Variants in PIP5KL1 observed in about 807,000 individuals in gnomAD.
The protein encoded by PIP5KL1 is phosphatidylinositol-4-phosphate 5-kinase like 1.
PIP5KL1 carries 45 observed loss-of-function variants against 47.6 expected under a neutral mutation model. The ratio of observed to expected loss-of-function variants is 0.94; its 90% CI spans 0.74 to 1.21. The LOEUF is 1.21. Ranked by LOEUF, PIP5KL1 falls within the 50% of genes most tolerant of loss-of-function variation. PIP5KL1 has a pLI of 0.00. For missense variants in PIP5KL1, 577 were observed against 547.6 expected (o/e 1.05, Z -0.54); for synonymous variants, 256 against 234.6 (o/e 1.09, Z -0.84).
chr9:127,930,358 G>A (rs1398400281), intron 1 of PIP5KL1, among the ~76,000 whole-genome samples: 1 of 152,204 alleles, frequency 6.6e-6, no homozygotes, highest in African/African-American at 2.4e-5. Flanking sequence ...CCTATGCTGA[G>A]CGCCTCCAGG....
At position 127,929,749 on chromosome 9, in the gene PIP5KL1, G is replaced by T. The variant is rs370886811; in HGVS notation, c.167C>A (p.Thr56Lys). The T allele has an allele frequency of 1.3e-6, 2 of 1,585,006 alleles. No individual in the cohort carries two copies. Among genetic ancestry groups the T allele is most frequent in the Non-Finnish European group, 1.7e-6 (2 of 1,165,422 alleles). ...CCACAGCCCTGCCTGCATCATGCAC[G>T]TCATCCCATGCAGTTCATGCCCCGG... ...ISPGHELHGMTCMMQAGLWAA... is the reference protein window; with the variant it reads ...ISPGHELHGMKCMMQAGLWAA... Residue 56 changes from threonine to lysine, a missense_variant, in exon 2 of 10, where the codon ACG becomes AAG. Thr to Lys is a moderately conservative substitution (Grantham distance 78, BLOSUM62 -1). Transcript: ENST00000388747. This position sits in a 1 kb window ranked among gnomAD's most constrained non-coding sequence, Gnocchi z 4.0.
chr9:127,921,717 T>G lies in PIP5KL1; in HGVS notation c.*130A>C. The G allele has an allele frequency of 1.2e-5, 15 of 1,246,044 alleles. No homozygotes were observed. Among genetic ancestry groups the G allele is most frequent in the Non-Finnish European group, 1.4e-5 (13 of 926,422 alleles). 77.2% of individuals were successfully genotyped at this position (1,246,044 alleles called of 1,614,324 possible). A position where few individuals can be genotyped will look rare whatever the true frequency, so the allele number is the denominator to read the frequency against. On this transcript the variant is annotated 3_prime_UTR_variant, in exon 10 of 10. Coordinates refer to ENST00000388747, the MANE Select transcript of PIP5KL1 (RefSeq NM_001135219.2). Reference sequence around the variant, plus strand: ...GTCAAACGGGACTGCGCGGTTACGGTATTAGTTAGGGGATGCTGCCCTCTG... The same window carrying G: ...GTCAAACGGGACTGCGCGGTTACGGGATTAGTTAGGGGATGCTGCCCTCTG...
chr9:127,928,312 C>CT, intron 3 of PIP5KL1, 93 bp from the exon 4 acceptor site: 1 of 1,539,344 alleles, frequency 6.5e-7, no homozygotes. Flanking sequence ...TGACCACACC[C>CT]TTCCTGCAAG....
chr9:127,922,056 G>A lies in PIP5KL1; in HGVS notation c.976C>T (p.Pro326Ser), dbSNP rs756715757. 1.3e-6 allele frequency: 2 copies of A among 1,564,116 alleles called. No homozygotes were observed. The highest frequency in any genetic ancestry group is 1.7e-6 in the Non-Finnish European group (2 of 1,156,286). Residue 326 changes from proline (P) to serine (S), a missense_variant, in exon 10 of 10, where the codon CCC becomes TCC. Transcript: ENST00000388747. The stretch of plus-strand genomic sequence containing the variant: ...ATGTGTAGGGCGTTGGGGGCGTCGG[G>A]CAGCAGCCGGCGGTTTTGGGCTCTC... ...ESRAQNRRLL[P>S]DAPNALHILD...
intron 9 of PIP5KL1, among the ~76,000 whole-genome samples, chr9:127,923,331 T>C (rs1438699989): frequency 1.3e-5 from 2 of 152,070 alleles, no homozygotes; most frequent in East Asian, 1.9e-4. Context: ...AGAATGCTGG[T>C]ACCCTGTGGG....
chr9:127,922,705 A>AG (rs1554720829), intron 9 of PIP5KL1, among the ~76,000 whole-genome samples: 139 of 149,944 alleles, frequency 9.3e-4, no homozygotes, highest in Non-Finnish European at 1.7e-3. Flanking sequence ...AAAAAAAAAA[A>AG]AAAAAAGAAA....
rs1564138271 is a variant in PIP5KL1 at position 127,927,612 on chromosome 9, A to ACCCGCCCCCACCGAGC, written c.559+20_559+35dup. The ACCCGCCCCCACCGAGC allele has an allele frequency of 3.2e-6, 4 of 1,247,398 alleles. No homozygotes were observed. The South Asian group carries it at 5.3e-5, about 17-fold the overall frequency. 77.3% of individuals were successfully genotyped at this position (1,247,398 alleles called of 1,614,324 possible). A position where few individuals can be genotyped will look rare whatever the true frequency, so the allele number is the denominator to read the frequency against. On this transcript the variant is annotated intron_variant, in intron 5 of 9. Coordinates refer to ENST00000388747, the MANE Select transcript of PIP5KL1 (RefSeq NM_001135219.2). This position sits in a 1 kb window ranked among gnomAD's most constrained non-coding sequence, Gnocchi z 5.5. ...CTCCCCAGGTATATGATGACCTAGG[A>ACCCGCCCCCACCGAGC]CCCGCCCCCACCGAGCCCCGCCCCC...
rs898263112 is a variant in PIP5KL1, at chr9:127,929,961, C to T, written c.31-76G>A. Reference sequence around the variant, plus strand: ...AAGATCAGGGTTCAAGTCCCACTTCCACTACTTGTGAGACTTCCCCTCATC... The same window carrying T: ...AAGATCAGGGTTCAAGTCCCACTTCTACTACTTGTGAGACTTCCCCTCATC... On this transcript the variant is annotated intron_variant, in intron 1 of 9. Transcript: ENST00000388747. This position sits in a 1 kb window ranked among gnomAD's most constrained non-coding sequence, Gnocchi z 4.0. The T allele has an allele frequency of 7.8e-7, 1 of 1,287,622 alleles. No homozygotes were observed. Among genetic ancestry groups the T allele is most frequent in the South Asian group, 1.5e-5 (1 of 65,200 alleles). 79.8% of individuals were successfully genotyped at this position (1,287,622 alleles called of 1,614,324 possible). A position where few individuals can be genotyped will look rare whatever the true frequency, so the allele number is the denominator to read the frequency against.
rs1831388842 is a variant in PIP5KL1, at chr9:127,928,056, C to G, written c.434+9G>C. On this transcript the variant is annotated intron_variant, in intron 4 of 9. Transcript: ENST00000388747. Reference sequence around the variant, plus strand: ...TCCCACCCCTGCCCCACCCCTGCCGCAAGCTCACGACAGGAAGAAGCTGGC... The same window carrying G: ...TCCCACCCCTGCCCCACCCCTGCCGGAAGCTCACGACAGGAAGAAGCTGGC... 1 of 1,546,628 alleles carries G rather than the reference C, an allele frequency of 6.5e-7. No individual in the cohort carries two copies. The highest frequency in any genetic ancestry group is 8.7e-7 in the Non-Finnish European group (1 of 1,148,980).
rs375350789 is a variant in PIP5KL1 at position 127,922,101 on chromosome 9, C to A, written c.931G>T (p.Ala311Ser). 1 of 1,529,776 alleles carries A rather than the reference C, an allele frequency of 6.5e-7. No homozygotes were observed. The highest frequency in any genetic ancestry group is 8.8e-7 in the Non-Finnish European group (1 of 1,137,300). 94.8% of individuals were successfully genotyped at this position (1,529,776 alleles called of 1,614,324 possible). ...IFRTARSVQG[A>S]QSPEESRAQN... ...GCTCTCGACTCTTCCGGGCTCTGTG[C>A]CCCTTGCACAGACCTGGGGGCCGAC... The change falls in exon 10 of 10, where the codon GCA becomes TCA. Residue 311 changes from alanine to serine, a missense_variant. Coordinates refer to ENST00000388747, the MANE Select transcript of PIP5KL1 (RefSeq NM_001135219.2).
At chr9:127,922,256 G>C (rs1831293566) in intron 9 of PIP5KL1, 142 bp from the exon 10 acceptor site, 1 of 1,114,514 alleles carries the variant, frequency 9.0e-7, no homozygotes, top group Non-Finnish European at 1.2e-6. Flanking sequence ...AAGTCAGGTA[G>C]ACTGAGAAAA....
chr9:127,928,609 G>A, intron 2 of PIP5KL1, 126 bp from the exon 3 acceptor site: 1 of 1,071,946 alleles, frequency 9.3e-7, no homozygotes, highest in Non-Finnish European at 1.3e-6. Flanking sequence ...AGCAAACCGG[G>A]ACCGGAGTTT....
At chr9:127,928,961 G>A (rs1242134526) in intron 2 of PIP5KL1, among the ~76,000 whole-genome samples, 2 of 152,196 alleles carry the variant, frequency 1.3e-5, no homozygotes. Context: ...AACAGCACTG[G>A]TGGCTGCCGG....
In PIP5KL1 at chr9:127,927,730, C is replaced by T; in HGVS notation, c.477G>A (p.Glu159=). 6.4e-7 allele frequency: 1 copy of T among 1,554,520 alleles called. No homozygotes were observed. Among genetic ancestry groups the T allele is most frequent in the Non-Finnish European group, 8.7e-7 (1 of 1,150,344 alleles). The change falls in exon 5 of 10, where the codon GAG becomes GAA. Residue 159 remains glutamate (E), a synonymous_variant. Coordinates refer to ENST00000388747, the MANE Select transcript of PIP5KL1 (RefSeq NM_001135219.2). The surrounding 1 kb of genome is among the most constrained non-coding windows in gnomAD (Gnocchi z 5.5). ...GCAGGTGGGCGAGCAGAGCCTGCACCTCTCGGCGCCCCTGGGTCTTCAGGA... is the reference window on the plus strand; with the variant it reads ...GCAGGTGGGCGAGCAGAGCCTGCACTTCTCGGCGCCCCTGGGTCTTCAGGA... The part of the protein sequence containing the change: ...RFFLKTQGRR[E]VQALLAHLPR...
At position 127,927,744 on chromosome 9, in the gene PIP5KL1, G is replaced by A. The variant is rs1564138373; in HGVS notation, c.463C>T (p.Gln155Ter). 1.3e-6 allele frequency: 2 copies of A among 1,559,272 alleles called. No individual in the cohort carries two copies. Among genetic ancestry groups the A allele is most frequent in the Non-Finnish European group, 1.7e-6 (2 of 1,152,864 alleles). ...AGAGCCTGCACCTCTCGGCGCCCCT[G>A]GGTCTTCAGGAAGAAGCGCTGGTCG... is the stretch of plus-strand genomic sequence containing the variant. ...SHDQRFFLKTQGRREVQALLA... is the reference protein window; with the variant it reads ...SHDQRFFLKT The change falls in exon 5 of 10, where the codon CAG (glutamine) becomes TAG (stop). Residue 155 changes from glutamine (Q) to a stop codon, truncating the protein, a stop_gained. Transcript: ENST00000388747. LOFTEE classifies it high-confidence loss of function. The surrounding 1 kb of genome is among the most constrained non-coding windows in gnomAD (Gnocchi z 5.5).
At position 127,925,937 on chromosome 9, in the gene PIP5KL1, G is replaced by A. The variant is rs375907703; in HGVS notation, c.693C>T (p.Pro231=). 1,183 of 1,613,886 alleles carry A rather than the reference G, an allele frequency of 7.3e-4. 1 individual carries two copies. The highest frequency in any genetic ancestry group is 9.6e-4 in the Non-Finnish European group (1,130 of 1,179,970). Residue 231 remains proline (P), a synonymous_variant, in exon 8 of 10, where the codon CCC becomes CCT. Coordinates refer to ENST00000388747, the MANE Select transcript of PIP5KL1 (RefSeq NM_001135219.2). ...GAACAAGGGGGCTGCCCTCAGGGGC[G>A]GGATCCACCCAGCGGCTCACCTCGC... The part of the protein sequence containing the change: ...KGCEVSRWVD[P]APEGSPLVLV...
Position 127,929,169 on chromosome 9 carries a change from C to T in PIP5KL1, c.228+519G>A, listed in dbSNP as rs1332297600. On this transcript the variant is annotated intron_variant, in intron 2 of 9. Transcript: ENST00000388747. The surrounding 1 kb of genome is among the most constrained non-coding windows in gnomAD (Gnocchi z 4.0). ...TTCCCTGGATCTCCAGGTCCCTGTG[C>T]CCGGATGTGGTCTGTGGAATGTGGT... Among the ~76,000 whole-genome samples, 5 of 152,300 alleles carry T rather than the reference C, an allele frequency of 3.3e-5. No individual in the cohort carries two copies. Among genetic ancestry groups the T allele is most frequent in the Non-Finnish European group, 5.9e-5 (4 of 68,022 alleles).
chr9:127,924,482 C>G (rs1265979033), intron 9 of PIP5KL1, among the ~76,000 whole-genome samples: 1 of 146,122 alleles, frequency 6.8e-6, no homozygotes, highest in African/African-American at 2.6e-5. Context: ...CAGAGTAAGA[C>G]TCCATCTCAA....
In PIP5KL1 at chr9:127,927,828, C is replaced by A; in HGVS notation, c.435-56G>T. On this transcript the variant is annotated intron_variant, in intron 4 of 9. Coordinates refer to ENST00000388747, the MANE Select transcript of PIP5KL1 (RefSeq NM_001135219.2). The surrounding 1 kb of genome is among the most constrained non-coding windows in gnomAD (Gnocchi z 5.5). ...AGGCCTGGCTGGAGCGGCTCCCACC[C>A]GGCCCCCTTCCCCGACCTGTGCACG... The A allele has an allele frequency of 2.6e-6, 4 of 1,525,750 alleles. No individual in the cohort carries two copies. Among genetic ancestry groups the A allele is most frequent in the Non-Finnish European group, 2.6e-6 (3 of 1,141,374 alleles). 94.5% of individuals were successfully genotyped at this position (1,525,750 alleles called of 1,614,324 possible).
Sources: allele counts gnomAD v4.1 joint callset (sites outside exome capture counted in the v4.1 genomes callset), GRCh38; gene constraint gnomAD v4.1.1; non-coding constraint Gnocchi (gnomAD v3.1); transcripts MANE v1.5; gene names NCBI Gene and HGNC (gene_info 2026-07-23, HGNC 2026-07-21).